CADM2: variants seen among roughly 807,000 people sequenced by gnomAD.
The protein encoded by CADM2 is immunoglobulin superfamily member 4D.
In CADM2, 12 loss-of-function variants were observed where a neutral mutation model predicts 49.8. That is an observed-to-expected ratio of 0.24 (90% CI 0.15 to 0.39). The LOEUF (loss-of-function observed/expected upper bound fraction) is 0.39, where lower values mean the gene tolerates loss of function less well. Ranked by LOEUF, CADM2 falls within the 10% of genes least tolerant of loss-of-function variation. The pLI is 1.00. For missense variants in CADM2, 378 were observed against 492.3 expected (o/e 0.77, Z 2.20); for synonymous variants, 214 against 175.4 (o/e 1.22, Z -1.74).
chr3:85,012,303 A>T (rs1206969363), intron 1 of CADM2, among the ~76,000 whole-genome samples: 1 of 148,874 alleles, frequency 6.7e-6, no homozygotes, highest in Non-Finnish European at 1.5e-5. Flanking sequence ...CTATATTCCA[A>T]CTTTTTGCAA....
chr3:85,199,370 T>TGAGAGAGAGAGAGA (rs59939815), intron 1 of CADM2, among the ~76,000 whole-genome samples: 98 of 140,160 alleles, frequency 7.0e-4, no homozygotes, highest in Middle Eastern at 3.6e-3. Context: ...TGTGTGTGTA[T>TGAGAGAGAGAGAGA]GAGAGAGAGA....
At chr3:85,426,126 G>T (rs2036391113) in intron 1 of CADM2, among the ~76,000 whole-genome samples, 1 of 134,084 alleles carries the variant, frequency 7.5e-6, no homozygotes, top group Non-Finnish European at 1.6e-5. Flanking sequence ...CTGATTTCAG[G>T]CTATCTTTTT....
chr3:85,302,117 C>A (rs2106995976), intron 1 of CADM2, among the ~76,000 whole-genome samples: 1 of 152,064 alleles, frequency 6.6e-6, no homozygotes, highest in South Asian at 2.1e-4. Flanking sequence ...AACTGTATAC[C>A]ACCAAATGAA....
At chr3:85,940,475 G>A (rs772142206) in intron 7 of CADM2, among the ~76,000 whole-genome samples, 14 of 151,954 alleles carry the variant, frequency 9.2e-5, no homozygotes, top group Admixed American at 3.3e-4. Context: ...AATAAACTAC[G>A]AATCAAAGAA....
At chr3:85,442,513 A>G (rs1243851054) in intron 1 of CADM2, among the ~76,000 whole-genome samples, 1 of 149,972 alleles carries the variant, frequency 6.7e-6, no homozygotes, top group Non-Finnish European at 1.5e-5. Context: ...GAGAGAGGGG[A>G]AGTAATCATG....
chr3:85,130,593 TAA>T (rs1363184680), intron 1 of CADM2, among the ~76,000 whole-genome samples: 1 of 152,162 alleles, frequency 6.6e-6, no homozygotes, highest in African/African-American at 2.4e-5. Context: ...TTAAAGAGAT[TAA>T]GTTTCCCTGT....
chr3:85,570,316 G>A (rs1439742799), intron 1 of CADM2, among the ~76,000 whole-genome samples: 1 of 151,802 alleles, frequency 6.6e-6, no homozygotes, highest in Non-Finnish European at 1.5e-5. Flanking sequence ...TCAAAACAGA[G>A]GCTACCAAGA....
chr3:85,859,255 CGGAGTCTCACTGTCACCCAGGCT>C (rs2075434127), intron 3 of CADM2, among the ~76,000 whole-genome samples: 2 of 65,664 alleles, frequency 3.0e-5, no homozygotes, highest in Non-Finnish European at 5.8e-5. Flanking sequence ...TTTTTTGAGA[CGGAGTCTCACTGTCACCCAGGCT>C]GGAGTGCAGT....
intron 2 of CADM2, among the ~76,000 whole-genome samples, chr3:85,749,465 T>C (rs2068770738): frequency 6.6e-6 from 1 of 151,964 alleles, no homozygotes; most frequent in South Asian, 2.1e-4. Context: ...ATTAAATGCT[T>C]TAATGAAGTA....
chr3:85,860,382 G>C (rs1165221611), intron 3 of CADM2, among the ~76,000 whole-genome samples: 1 of 151,430 alleles, frequency 6.6e-6, no homozygotes, highest in Non-Finnish European at 1.5e-5. Flanking sequence ...GTTATCTGGT[G>C]ATCTGCTATA....
chr3:85,327,277 A>T (rs1391337495), intron 1 of CADM2, among the ~76,000 whole-genome samples: 1 of 151,946 alleles, frequency 6.6e-6, no homozygotes, highest in Non-Finnish European at 1.5e-5. Context: ...ATTTATTTAG[A>T]GACAGATTCT....
intron 1 of CADM2, among the ~76,000 whole-genome samples, chr3:85,154,642 T>C (rs1372909225): frequency 6.6e-6 from 1 of 150,914 alleles, no homozygotes; most frequent in Non-Finnish European, 1.5e-5. Context: ...AATTGTCAGA[T>C]TCACCGAAGT....
intron 1 of CADM2, among the ~76,000 whole-genome samples, chr3:85,514,290 C>T (rs558705504): frequency 6.6e-6 from 1 of 151,968 alleles, no homozygotes; most frequent in Non-Finnish European, 1.5e-5. Flanking sequence ...TTATTTGATT[C>T]TCTATTCACG....
intron 8 of CADM2, among the ~76,000 whole-genome samples, chr3:86,038,320 G>T (rs572284800): frequency 1.3e-5 from 2 of 152,258 alleles, no homozygotes; most frequent in East Asian, 3.9e-4. Flanking sequence ...AGCTTTGTTT[G>T]CCTCTTAGAA....
chr3:85,356,702 T>C (rs921308961), intron 1 of CADM2, among the ~76,000 whole-genome samples: 1 of 152,186 alleles, frequency 6.6e-6, no homozygotes, highest in Non-Finnish European at 1.5e-5. Context: ...GTTCAAATGC[T>C]ATGCATTTAA....
chr3:86,010,221 T>C (rs992654776), intron 8 of CADM2, among the ~76,000 whole-genome samples: 1 of 152,004 alleles, frequency 6.6e-6, no homozygotes, highest in Admixed American at 6.6e-5. Context: ...AATATTCATC[T>C]GAGTAAACTG....
At position 85,148,749 on chromosome 3, in the gene CADM2, A is replaced by T. The variant is rs59676495; in HGVS notation, c.61+189081A>T. On this transcript the variant is annotated intron_variant, in intron 1 of 9. Transcript: ENST00000383699. ...ATTATATAATGTATTCTCACAATAA[A>T]ATAAGCTAGATAAAAGAAAATGTTC... Among the ~76,000 whole-genome samples the T allele has an allele frequency of 3.5e-3, 534 of 152,332 alleles. 2 individuals are homozygous for T. The highest frequency in any genetic ancestry group is 0.011 in the African/African-American group (477 of 41,574).
At chr3:85,545,916 G>C (rs2061660900) in intron 1 of CADM2, among the ~76,000 whole-genome samples, 4 of 152,296 alleles carry the variant, frequency 2.6e-5, no homozygotes, top group Admixed American at 2.6e-4. Context: ...AGAGCATATA[G>C]ATTAAAATGC....
intron 1 of CADM2, among the ~76,000 whole-genome samples, chr3:85,605,349 G>A (rs893135100): frequency 6.6e-6 from 1 of 151,980 alleles, no homozygotes; most frequent in Non-Finnish European, 1.5e-5. Flanking sequence ...AATATTCACA[G>A]GATTAAGAGA....
Sources: gnomAD v4.1 joint callset for allele counts (sites outside exome capture counted in the v4.1 genomes callset) on GRCh38, gnomAD v4.1.1 for gene constraint, MANE v1.5 for transcripts, NCBI Gene and HGNC (gene_info 2026-07-23, HGNC 2026-07-21) for gene names.